TRAPPC9: variants seen among roughly 807,000 people sequenced by gnomAD.
TRAPPC9 encodes the protein trafficking protein particle complex subunit 9, also known as IKK2 binding protein.
TRAPPC9 carries 83 observed loss-of-function variants against 124.0 expected under a neutral mutation model. The ratio of observed to expected loss-of-function variants is 0.67; its 90% CI spans 0.56 to 0.80. The LOEUF (loss-of-function observed/expected upper bound fraction) is 0.80. Among genes scored for constraint, TRAPPC9 ranks in the 30% least tolerant of loss-of-function variants. The pLI, the probability that TRAPPC9 is intolerant of heterozygous loss-of-function variation, is 0.00. For synonymous variants in TRAPPC9, 638 were observed against 617.5 expected, an observed-to-expected ratio of 1.03 and a Z score of -0.49; for missense variants, 1,302 against 1,508.3, an observed-to-expected ratio of 0.86 and a Z score of 2.27.
At chr8:139,764,548 CTGAG>C (rs1820453290) in intron 21 of TRAPPC9, among the ~76,000 whole-genome samples, 1 of 152,196 alleles carries the variant, frequency 6.6e-6, no homozygotes, top group African/African-American at 2.4e-5. Context: ...TTTCCCAGCA[CTGAG>C]TGAGACACGG....
intron 1 of TRAPPC9, among the ~76,000 whole-genome samples, chr8:140,454,304 TAAA>T (rs1310139009): frequency 1.4e-5 from 2 of 147,642 alleles, no homozygotes. Context: ...AATTAATAAA[TAAA>T]AATGATTTAA....
At chr8:139,740,845 G>A (rs1299760199) in intron 21 of TRAPPC9, among the ~76,000 whole-genome samples, 1 of 152,216 alleles carries the variant, frequency 6.6e-6, no homozygotes, top group Non-Finnish European at 1.5e-5. Context: ...CTGGAGGGCA[G>A]ATGTGGTGCT....
rs752940904 is a variant in TRAPPC9 at position 139,731,236 on chromosome 8, G to C, written c.3280-8C>G. 7 of 1,612,922 alleles carry C rather than the reference G, an allele frequency of 4.3e-6. No individual in the cohort carries two copies. The South Asian group carries it at 5.5e-5, about 13-fold the overall frequency. ...CTGGCCGGACGGCTGCACCTGAGCA[G>C]GGAGGAGAAAGACACATCAGTCTGG... On this transcript the variant is annotated splice_region_variant and splice_polypyrimidine_tract_variant and intron_variant, in intron 22 of 22. Transcript: ENST00000438773.
intron 18 of TRAPPC9, among the ~76,000 whole-genome samples, chr8:140,012,162 G>GT (rs1839180331): frequency 6.6e-6 from 1 of 152,166 alleles, no homozygotes; most frequent in Non-Finnish European, 1.5e-5. Flanking sequence ...GAAGAAAGAA[G>GT]TGGGGGGAAA....
At chr8:139,736,548 C>T (rs915619942) in intron 21 of TRAPPC9, among the ~76,000 whole-genome samples, 2 of 152,166 alleles carry the variant, frequency 1.3e-5, no homozygotes, top group South Asian at 2.1e-4. Context: ...CTTCCTATGA[C>T]GGGGCAGAGC....
At chr8:140,301,415 C>G (rs1037781078) in intron 10 of TRAPPC9, among the ~76,000 whole-genome samples, 1 of 152,236 alleles carries the variant, frequency 6.6e-6, no homozygotes, top group African/African-American at 2.4e-5. Context: ...GGTACTATTA[C>G]TATTGTCTCC....
rs1410226638 is a variant in TRAPPC9, at chr8:139,728,439, C to T, written c.*2622G>A. Among the ~76,000 whole-genome samples the T allele has an allele frequency of 2.0e-5, 3 of 152,210 alleles. No homozygotes were observed. The highest frequency in any genetic ancestry group is 1.3e-4 in the Admixed American group (2 of 15,282). On this transcript the variant is annotated 3_prime_UTR_variant, in exon 23 of 23. Coordinates refer to ENST00000438773, the MANE Select transcript of TRAPPC9 (RefSeq NM_001160372.4). ...AAGCAGCAACTGCTGGACTGTATTG[C>T]CAGGTAGCCAGTAGCGTGGGGCCCT...
At chr8:140,301,751 G>A (rs934913679) in intron 10 of TRAPPC9, among the ~76,000 whole-genome samples, 1 of 152,222 alleles carries the variant, frequency 6.6e-6, no homozygotes, top group African/African-American at 2.4e-5. Context: ...AGTAGGTTGT[G>A]AGTGGGAGCC....
At chr8:140,220,704 A>G (rs2063319948) in intron 17 of TRAPPC9, among the ~76,000 whole-genome samples, 1 of 152,144 alleles carries the variant, frequency 6.6e-6, no homozygotes, top group Non-Finnish European at 1.5e-5. Context: ...CTGACTCACA[A>G]GCATCTTGGC....
chr8:139,764,100 C>A (rs1820419642), intron 21 of TRAPPC9, among the ~76,000 whole-genome samples: 1 of 152,114 alleles, frequency 6.6e-6, no homozygotes, highest in Non-Finnish European at 1.5e-5. Flanking sequence ...TCAGTGATGG[C>A]AAGTACGGTG....
chr8:140,351,537 G>A (rs1293721900), intron 9 of TRAPPC9, among the ~76,000 whole-genome samples: 1 of 152,256 alleles, frequency 6.6e-6, no homozygotes, highest in Non-Finnish European at 1.5e-5. Context: ...GGGAGGCTGA[G>A]GCAGGAGGAC....
intron 5 of TRAPPC9, 58 bp from the exon 6 acceptor site, chr8:140,405,756 G>A (rs1233713106): frequency 6.2e-7 from 1 of 1,603,630 alleles, no homozygotes; most frequent in Non-Finnish European, 8.5e-7. Context: ...TTATTTCTTT[G>A]TTAAAGAGGA....
intron 17 of TRAPPC9, among the ~76,000 whole-genome samples, chr8:140,175,714 C>A (rs1263145072): frequency 6.6e-6 from 1 of 152,196 alleles, no homozygotes; most frequent in Non-Finnish European, 1.5e-5. Flanking sequence ...ACCATCCAGC[C>A]TCTCTGTGTG....
intron 19 of TRAPPC9, among the ~76,000 whole-genome samples, chr8:139,936,534 G>A (rs1274469598): frequency 1.3e-5 from 2 of 152,230 alleles, no homozygotes; most frequent in Non-Finnish European, 2.9e-5. Context: ...TCTAAAGGTA[G>A]AGCAGAGCCA....
chr8:139,789,675 CT>C (rs1416525074), intron 21 of TRAPPC9, among the ~76,000 whole-genome samples: 1 of 152,182 alleles, frequency 6.6e-6, no homozygotes, highest in Admixed American at 6.5e-5. Context: ...TGGCTCTTTG[CT>C]CCCGAGTGCC....
intron 9 of TRAPPC9, among the ~76,000 whole-genome samples, chr8:140,318,401 G>A (rs1365551802): frequency 1.3e-5 from 2 of 152,100 alleles, no homozygotes; most frequent in Non-Finnish European, 2.9e-5. Context: ...TGTTCCTTTA[G>A]TAATATTGAA....
At chr8:139,885,550 C>T (rs949297772) in intron 21 of TRAPPC9, among the ~76,000 whole-genome samples, 1 of 152,162 alleles carries the variant, frequency 6.6e-6, no homozygotes, top group African/African-American at 2.4e-5. Context: ...ATTGCCATTT[C>T]GGAAGACGGC....
intron 19 of TRAPPC9, among the ~76,000 whole-genome samples, chr8:139,924,929 A>G (rs1832717512): frequency 6.6e-6 from 1 of 152,212 alleles, no homozygotes; most frequent in Admixed American, 6.5e-5. Flanking sequence ...TTTCATGAGC[A>G]GGGGGGTCAG....
Position 140,311,303 on chromosome 8 carries a change from G to A in TRAPPC9, c.1567C>T (p.Leu523Phe), listed in dbSNP as rs1432076648. Residue 523 changes from leucine to phenylalanine, a missense_variant, in exon 10 of 23, where the codon CTC becomes TTC. Leu to Phe is a conservative substitution (Grantham distance 22, BLOSUM62 0). Around this residue, in one of 3 missense-constraint regions of TRAPPC9, gnomAD observed 657 missense variants for 811.2 expected, o/e 0.81. Coordinates refer to ENST00000438773, the MANE Select transcript of TRAPPC9 (RefSeq NM_001160372.4). The part of the protein sequence containing the change: ...KCPGTMEPIA[L>F]PGGLTLPPVP... Reference sequence around the variant, plus strand: ...GGTGGCAGGGTGAGGCCGCCAGGGAGGGCGATGGGCTCCATGGTCCCAGGA... The same window carrying A: ...GGTGGCAGGGTGAGGCCGCCAGGGAAGGCGATGGGCTCCATGGTCCCAGGA... 6.2e-7 allele frequency: 1 copy of A among 1,613,806 alleles called. No individual in the cohort carries two copies. The highest frequency in any genetic ancestry group is 8.5e-7 in the Non-Finnish European group (1 of 1,180,026).
Sources: allele counts gnomAD v4.1 joint callset (sites outside exome capture counted in the v4.1 genomes callset), GRCh38; gene constraint gnomAD v4.1.1; regional missense constraint gnomAD v4.1.1; transcripts MANE v1.5; gene names NCBI Gene and HGNC (gene_info 2026-07-23, HGNC 2026-07-21).